The following RAB7A variants were observed in gnomAD, a reference collection of about 807,000 sequenced individuals.
RAB7A encodes the protein ras-related protein Rab-7a.
Under a neutral mutation model 24.5 loss-of-function variants are expected in RAB7A, and 2 were observed. That is an observed-to-expected ratio of 0.08 (90% CI 0.03 to 0.26). The LOEUF is 0.26. Among genes scored for constraint, RAB7A ranks in the 10% least tolerant of loss-of-function variants. The pLI, the probability that RAB7A is intolerant of heterozygous loss-of-function variation, is 1.00. For missense variants in RAB7A, 118 were observed against 255.7 expected, an observed-to-expected ratio of 0.46 and a Z score of 3.67; for synonymous variants, 100 against 95.9, an observed-to-expected ratio of 1.04 and a Z score of -0.25.
intron 3 of RAB7A, among the ~76,000 whole-genome samples, chr3:128,798,664 A>G (rs1281444207): frequency 1.3e-5 from 2 of 150,944 alleles, no homozygotes; most frequent in Non-Finnish European, 3.0e-5. Context: ...TTTTTCCCCC[A>G]TTGAGTCATT....
In RAB7A at chr3:128,764,329, G is replaced by A. The variant is rs1199274312; in HGVS notation, c.-8-31031G>A. On this transcript the variant is annotated intron_variant, in intron 1 of 5. Transcript: ENST00000265062. Reference sequence around the variant, plus strand: ...TTGGTACCAAATTTCTTTATTTGAAGGAATGGTACAAATCGAAGAACTTAA... The same window carrying A: ...TTGGTACCAAATTTCTTTATTTGAAAGAATGGTACAAATCGAAGAACTTAA... 3 of 572,260 alleles carry A rather than the reference G, an allele frequency of 5.2e-6. No individual in the cohort carries two copies. The Admixed American group carries it at 9.2e-5, about 18-fold the overall frequency. 35.4% of individuals were successfully genotyped at this position (572,260 alleles called of 1,614,324 possible).
intron 1 of RAB7A, among the ~76,000 whole-genome samples, chr3:128,751,275 C>T (rs1342536731): frequency 2.0e-5 from 3 of 152,158 alleles, no homozygotes; most frequent in Admixed American, 2.0e-4. Flanking sequence ...GCACCAACAG[C>T]TTGCACCATC....
At chr3:128,791,900 C>T (rs1363770090) in intron 1 of RAB7A, among the ~76,000 whole-genome samples, 2 of 152,206 alleles carry the variant, frequency 1.3e-5, no homozygotes, top group Non-Finnish European at 1.5e-5. Context: ...CCAGCTTTGT[C>T]TGTCCCAGTC....
At chr3:128,801,001 C>T (rs922999661) in intron 3 of RAB7A, among the ~76,000 whole-genome samples, 2 of 152,264 alleles carry the variant, frequency 1.3e-5, no homozygotes, top group South Asian at 2.1e-4. Context: ...ATGTGTTTTT[C>T]GAGGGCTTTT....
chr3:128,764,440 T>C, intron 1 of RAB7A: 1 of 752,860 alleles, frequency 1.3e-6, no homozygotes, highest in East Asian at 2.4e-5. Flanking sequence ...ATTCGCCCCA[T>C]GGCTATGGGG....
At chr3:128,767,485 A>G (rs2070843213) in intron 1 of RAB7A, among the ~76,000 whole-genome samples, 1 of 152,226 alleles carries the variant, frequency 6.6e-6, no homozygotes, top group Non-Finnish European at 1.5e-5. Context: ...GAAATAAATT[A>G]GGAGTCAAGA....
chr3:128,808,314 C>T (rs979335560), intron 5 of RAB7A, among the ~76,000 whole-genome samples: 1 of 151,958 alleles, frequency 6.6e-6, no homozygotes, highest in Non-Finnish European at 1.5e-5. Flanking sequence ...GAGCCAAGAT[C>T]GTGCCACTGT....
chr3:128,752,509 C>T (rs1039667707), intron 1 of RAB7A, among the ~76,000 whole-genome samples: 9 of 151,510 alleles, frequency 5.9e-5, no homozygotes, highest in African/African-American at 1.9e-4. Context: ...TAGAAAAAAA[C>T]ACTACACATG....
At chr3:128,753,335 A>C (rs2070703897) in intron 1 of RAB7A, among the ~76,000 whole-genome samples, 1 of 151,584 alleles carries the variant, frequency 6.6e-6, no homozygotes, top group Non-Finnish European at 1.5e-5. Flanking sequence ...AATAGAGCAT[A>C]TATTGGTGGG....
intron 1 of RAB7A, among the ~76,000 whole-genome samples, chr3:128,762,873 C>T (rs962348114): frequency 1.3e-5 from 2 of 152,192 alleles, no homozygotes; most frequent in Non-Finnish European, 2.9e-5. Context: ...AAGATACACT[C>T]TCCTACCTAC....
chr3:128,776,945 TACACACACACACACACACACAC>T (rs71153145), intron 1 of RAB7A, among the ~76,000 whole-genome samples: 3 of 142,356 alleles, frequency 2.1e-5, no homozygotes, highest in South Asian at 4.6e-4. Flanking sequence ...TTAGTTGAGC[TACACACACACACACACACACAC>T]ACACACACAC....
intron 1 of RAB7A, among the ~76,000 whole-genome samples, chr3:128,736,426 A>ACTATCAGACAGTG (rs2107583669): frequency 6.6e-6 from 1 of 152,304 alleles, no homozygotes; most frequent in East Asian, 1.9e-4. Context: ...ATCTTCAAGC[A>ACTATCAGACAGTG]CTATCAGACA....
intron 5 of RAB7A, among the ~76,000 whole-genome samples, chr3:128,811,240 C>A (rs1208065653): frequency 6.6e-6 from 1 of 152,086 alleles, no homozygotes; most frequent in Non-Finnish European, 1.5e-5. Flanking sequence ...AGTCTTCCCA[C>A]CATAGCCTCC....
intron 1 of RAB7A, among the ~76,000 whole-genome samples, chr3:128,758,238 A>C (rs1043677993): frequency 6.6e-6 from 1 of 150,432 alleles, no homozygotes; most frequent in Non-Finnish European, 1.5e-5. Context: ...TGCTGGGGTT[A>C]CAGGTGTGAG....
At chr3:128,811,191 A>G (rs557572424) in intron 5 of RAB7A, among the ~76,000 whole-genome samples, 1 of 151,942 alleles carries the variant, frequency 6.6e-6, no homozygotes, top group East Asian at 1.9e-4. Flanking sequence ...CAGTGGTGCA[A>G]TCATCACTCG....
chr3:128,733,410 A>G (rs183908810), intron 1 of RAB7A, among the ~76,000 whole-genome samples: 1 of 152,248 alleles, frequency 6.6e-6, no homozygotes, highest in Non-Finnish European at 1.5e-5. Context: ...GTATTATGTG[A>G]TATATCATAA....
chr3:128,781,844 C>G (rs991815580), intron 1 of RAB7A, among the ~76,000 whole-genome samples: 2 of 152,080 alleles, frequency 1.3e-5, no homozygotes, highest in Non-Finnish European at 2.9e-5. Flanking sequence ...GAAACCCTGT[C>G]TCTACCAAAA....
intron 1 of RAB7A, among the ~76,000 whole-genome samples, chr3:128,745,164 G>C (rs763836962): frequency 6.6e-6 from 1 of 151,666 alleles, no homozygotes; most frequent in Non-Finnish European, 1.5e-5. Context: ...GTGAGCTGCC[G>C]CGCCCGGCTG....
chr3:128,795,321 C>G (rs766333135), intron 1 of RAB7A, 39 bp from the exon 2 acceptor site: 6 of 1,552,618 alleles, frequency 3.9e-6, no homozygotes, highest in African/African-American at 1.4e-5. Flanking sequence ...TTTGGTGTTT[C>G]CATCACACTC....
Sources: allele counts gnomAD v4.1 joint callset (sites outside exome capture counted in the v4.1 genomes callset), GRCh38; gene constraint gnomAD v4.1.1; transcripts MANE v1.5; gene names NCBI Gene and HGNC (gene_info 2026-07-23, HGNC 2026-07-21).